The following KALRN variants were observed in gnomAD, a reference collection of about 807,000 sequenced individuals.
KALRN encodes the protein kalirin.
KALRN carries 70 observed loss-of-function variants against 353.7 expected under a neutral mutation model. The ratio of observed to expected loss-of-function variants is 0.20; its 90% confidence interval spans 0.16 to 0.24. KALRN has a LOEUF of 0.24. Among genes scored for constraint, KALRN ranks in the 10% least tolerant of loss-of-function variants. KALRN has a pLI of 1.00. For synonymous variants in KALRN, 1,391 were observed against 1,434.8 expected, an observed-to-expected ratio of 0.97 and a Z score of 0.69; for missense variants, 2,791 against 3,756.7, an observed-to-expected ratio of 0.74 and a Z score of 6.72.
intron 1 of KALRN, among the ~76,000 whole-genome samples, chr3:124,075,463 T>C (rs2060216159): frequency 6.6e-6 from 1 of 152,192 alleles, no homozygotes; most frequent in South Asian, 2.1e-4. Flanking sequence ...TTTGGCCCCA[T>C]TGGAACAAAA....
intron 1 of KALRN, among the ~76,000 whole-genome samples, chr3:124,103,731 A>G (rs1223389077): frequency 3.9e-5 from 6 of 152,114 alleles, no homozygotes; most frequent in African/African-American, 7.2e-5. Context: ...CGAGGTGGAC[A>G]GATTGCCTGA....
chr3:124,329,841 C>T lies in KALRN; in HGVS notation c.1285-20C>T, dbSNP rs375462170. The T allele has an allele frequency of 8.4e-5, 136 of 1,609,724 alleles. 1 individual carries two copies. In the East Asian group the frequency reaches 2.8e-3, roughly 34 times the overall value. On this transcript the variant is annotated intron_variant, in intron 7 of 59. Transcript: ENST00000682506. ...CACCCCCAGTGCTCCCCCACTGATC[C>T]ACCCTGCATCTCCTTCCAGTTCCTG... is the stretch of plus-strand genomic sequence containing the variant.
chr3:124,359,400 A>C (rs541395494), intron 10 of KALRN, among the ~76,000 whole-genome samples: 1 of 152,172 alleles, frequency 6.6e-6, no homozygotes, highest in African/African-American at 2.4e-5. Context: ...CTTTCCTTTT[A>C]CCTTTTGCTG....
At chr3:124,526,817 G>A (rs1411260042) in intron 33 of KALRN, among the ~76,000 whole-genome samples, 4 of 152,172 alleles carry the variant, frequency 2.6e-5, no homozygotes, top group South Asian at 2.1e-4. Context: ...AAGGAGTTAC[G>A]TCTCCAAAAC....
intron 33 of KALRN, among the ~76,000 whole-genome samples, chr3:124,540,272 A>G (rs1175838185): frequency 6.6e-6 from 1 of 152,188 alleles, no homozygotes; most frequent in Non-Finnish European, 1.5e-5. Flanking sequence ...GAGCTATGCA[A>G]AGAAGTCCCT....
intron 6 of KALRN, among the ~76,000 whole-genome samples, chr3:124,311,322 G>T (rs1475934983): frequency 6.6e-6 from 1 of 151,864 alleles, no homozygotes; most frequent in East Asian, 1.9e-4. Flanking sequence ...AACTAACTGG[G>T]CATGGTGGGG....
chr3:124,346,824 G>T (rs1457184968), intron 9 of KALRN, among the ~76,000 whole-genome samples: 1 of 152,118 alleles, frequency 6.6e-6, no homozygotes, highest in African/African-American at 2.4e-5. Flanking sequence ...GGGTAGAAGT[G>T]GTGAGGGGGT....
At position 124,334,259 on chromosome 3, in the gene KALRN, C is replaced by T. The variant is rs1392935752; in HGVS notation, c.1417-6C>T. 6.2e-7 allele frequency: 1 copy of T among 1,613,264 alleles called. No homozygotes were observed. ...CCCTTAACTTAAACTTCTCTCTTTC[C>T]TGCAGGTCAGCCAGGATGGCAAAGC... On this transcript the variant is annotated splice_region_variant and splice_polypyrimidine_tract_variant and intron_variant, in intron 8 of 59. Transcript: ENST00000682506. The surrounding 1 kb of genome is among the most constrained non-coding windows in gnomAD (Gnocchi z 4.2).
At chr3:124,670,606 A>G (rs558688695) in intron 47 of KALRN, among the ~76,000 whole-genome samples, 101 of 152,344 alleles carry the variant, frequency 6.6e-4, no homozygotes, top group African/African-American at 2.4e-3. Flanking sequence ...GTATGTACCT[A>G]TCACAGTAGA....
At chr3:124,563,537 C>T (rs1040602587) in intron 34 of KALRN, among the ~76,000 whole-genome samples, 1 of 152,198 alleles carries the variant, frequency 6.6e-6, no homozygotes, top group East Asian at 1.9e-4. Context: ...CAGGCACACC[C>T]AGGGAGGAGC....
At chr3:124,243,381 G>A (rs2080741682) in intron 3 of KALRN, among the ~76,000 whole-genome samples, 1 of 152,150 alleles carries the variant, frequency 6.6e-6, no homozygotes, top group African/African-American at 2.4e-5. Context: ...ATTCCCTGGA[G>A]AACAATAACT....
intron 5 of KALRN, among the ~76,000 whole-genome samples, chr3:124,286,256 GCT>G (rs756770896): frequency 8.1e-6 from 1 of 122,974 alleles, no homozygotes; most frequent in Non-Finnish European, 1.7e-5. Context: ...TTTCTCTCTT[GCT>G]CTCTCTCTCT....
intron 1 of KALRN, among the ~76,000 whole-genome samples, chr3:124,068,431 AG>A (rs1432774296): frequency 6.6e-6 from 1 of 152,256 alleles, no homozygotes; most frequent in Non-Finnish European, 1.5e-5. Context: ...CACCAATGAC[AG>A]TCCCACATCC....
At chr3:124,396,886 C>A (rs2090233651) in intron 12 of KALRN, among the ~76,000 whole-genome samples, 1 of 152,194 alleles carries the variant, frequency 6.6e-6, no homozygotes, top group Non-Finnish European at 1.5e-5. Flanking sequence ...TGACTCTAGC[C>A]TAGGCTCCCC....
chr3:124,297,907 A>G (rs1369648221), intron 5 of KALRN, among the ~76,000 whole-genome samples: 2 of 152,224 alleles, frequency 1.3e-5, no homozygotes, highest in African/African-American at 4.8e-5. Context: ...AGCCACATAC[A>G]ACAATACTGG....
chr3:124,220,760 A>G (rs1444755), intron 1 of KALRN, among the ~76,000 whole-genome samples: 23,258 of 152,152 alleles, frequency 0.15, 2,278 homozygotes, highest in East Asian at 0.46. Flanking sequence ...GTTACCCACA[A>G]ACATGCTTCC....
chr3:124,352,333 G>T (rs996596410), intron 10 of KALRN, among the ~76,000 whole-genome samples: 8 of 152,154 alleles, frequency 5.3e-5, no homozygotes, highest in Admixed American at 4.6e-4. Flanking sequence ...GCTATTATGA[G>T]GTAGGCGAGT....
chr3:124,618,357 C>T (rs933911405), intron 34 of KALRN, among the ~76,000 whole-genome samples: 2 of 151,808 alleles, frequency 1.3e-5, no homozygotes, highest in Non-Finnish European at 2.9e-5. Context: ...CTTCATGATC[C>T]GCCCACCTCG....
chr3:124,523,108 T>C (rs1019856164), intron 33 of KALRN, among the ~76,000 whole-genome samples: 2 of 152,348 alleles, frequency 1.3e-5, no homozygotes, highest in East Asian at 3.9e-4. Context: ...TTACATTTTA[T>C]AAATAAGAAA....
Sources: gnomAD v4.1 joint callset for allele counts (sites outside exome capture counted in the v4.1 genomes callset) on GRCh38, gnomAD v4.1.1 for gene constraint, Gnocchi (gnomAD v3.1) non-coding constraint, MANE v1.5 for transcripts, NCBI Gene and HGNC (gene_info 2026-07-23, HGNC 2026-07-21) for gene names.